The following TMPRSS13 variants were observed in gnomAD, a reference collection of about 807,000 sequenced individuals.
TMPRSS13 encodes the protein transmembrane serine protease 13.
A neutral mutation model predicts 68.4 loss-of-function variants in TMPRSS13; 50 were observed. The ratio of observed to expected loss-of-function variants is 0.73; its 90% CI spans 0.58 to 0.93. The LOEUF (loss-of-function observed/expected upper bound fraction) is 0.93. TMPRSS13 is among the 40% of genes least tolerant of loss of function. The pLI, the probability that TMPRSS13 is intolerant of heterozygous loss-of-function variation, is 0.00. For synonymous variants in TMPRSS13, 267 were observed against 285.8 expected (o/e 0.93, Z 0.66); for missense variants, 615 against 729.2 (o/e 0.84, Z 1.80).
intron 2 of TMPRSS13, 107 bp downstream of exon 2, chr11:117,918,302 C>T (rs1434979399): frequency 1.5e-6 from 2 of 1,345,236 alleles, no homozygotes. Context: ...CTCCCCTTCC[C>T]CGCATCGTTG....
chr11:117,920,390 G>T (rs1490099083), intron 1 of TMPRSS13, among the ~76,000 whole-genome samples: 1 of 152,120 alleles, frequency 6.6e-6, no homozygotes, highest in Non-Finnish European at 1.5e-5. Context: ...CCAGGCTGCA[G>T]TGCAGTGGCA....
In TMPRSS13 at chr11:117,918,743, T is replaced by C. The variant is rs2057610430; in HGVS notation, c.117A>G (p.Ala39=). 6.2e-7 allele frequency: 1 copy of C among 1,611,060 alleles called. No individual in the cohort carries two copies. Among genetic ancestry groups the C allele is most frequent in the Admixed American group, 1.7e-5 (1 of 59,894 alleles). The change falls in exon 2 of 13, where the codon GCA becomes GCG. Residue 39 remains alanine (A), a synonymous_variant. Transcript: ENST00000524993. ...CAGCTGGAGATGCCTGGGCTGGAGA[T>C]GCCTGGGCTGGAGATGCCCGGCCTG... ...TPPGRASPAQ[A]SPAQASPAGT... is the part of the protein sequence containing the mutation.
intron 1 of TMPRSS13, among the ~76,000 whole-genome samples, chr11:117,928,305 C>G (rs1319497162): frequency 6.6e-6 from 1 of 152,040 alleles, no homozygotes; most frequent in African/African-American, 2.4e-5. Context: ...AGGGAGGCAG[C>G]CTGGGAAAGA....
chr11:117,906,733 GC>G (rs1401354568), intron 9 of TMPRSS13, among the ~76,000 whole-genome samples: 1 of 151,990 alleles, frequency 6.6e-6, no homozygotes, highest in Non-Finnish European at 1.5e-5. Context: ...TTTTTTCTAT[GC>G]CCCTTTTTGA....
intron 12 of TMPRSS13, 119 bp from the exon 13 acceptor site, chr11:117,902,384 C>G: frequency 9.4e-7 from 1 of 1,061,410 alleles, no homozygotes; most frequent in Non-Finnish European, 1.5e-6. Flanking sequence ...CACTGCCTCT[C>G]CAAGGAGGGA....
Position 117,918,445 on chromosome 11 carries a change from A to T in TMPRSS13, c.415T>A (p.Ser139Thr), listed in dbSNP as rs1240272054. The part of the protein sequence containing the change: ...AVPIRSSPAR[S>T]APATRATRES... ...CTGGTGGCCCTGGTTGCTGGTGCTG[A>T]CCTGGCAGGAGATGATCGGATGGGT... The change falls in exon 2 of 13, where the codon TCA becomes ACA. Residue 139 changes from serine (S) to threonine (T), a missense_variant. Physicochemically the swap from Ser to Thr is moderately conservative, Grantham distance 58. Transcript: ENST00000524993. The T allele has an allele frequency of 1.1e-5, 17 of 1,613,958 alleles. 1 individual carries two copies. In the Middle Eastern group the frequency reaches 4.9e-4, roughly 47 times the overall value.
rs147125419 is a variant in TMPRSS13 at position 117,914,366 on chromosome 11, C to T, written c.679+26G>A. The T allele has an allele frequency of 2.1e-5, 34 of 1,611,794 alleles. No homozygotes were observed. Among genetic ancestry groups the T allele is most frequent in the Non-Finnish European group, 2.7e-5 (32 of 1,179,764 alleles). On this transcript the variant is annotated intron_variant, in intron 4 of 12. Transcript: ENST00000524993. The surrounding 1 kb of genome is among the most constrained non-coding windows in gnomAD (Gnocchi z 4.2). ...AAACACATGCACATGCACACGCACG[C>T]GCTCCCCCGCACCCAGCCTCCTTAC... is the stretch of plus-strand genomic sequence containing the variant.
intron 9 of TMPRSS13, among the ~76,000 whole-genome samples, chr11:117,906,184 C>A (rs920414396): frequency 1.3e-5 from 2 of 152,196 alleles, no homozygotes; most frequent in African/African-American, 4.8e-5. Context: ...CCTGGTCTGG[C>A]GAGGGTACCC....
chr11:117,913,838 A>C lies in TMPRSS13; in HGVS notation c.748T>G (p.Cys250Gly). The change falls in exon 5 of 13, where the codon TGT becomes GGT. Residue 250 changes from cysteine to glycine, a missense_variant. Transcript: ENST00000524993. Reference sequence around the variant, plus strand: ...TAGGAGTCATTCCAGTTGCTGCTACAGATGGGAAGCCACTGATGGGAGGAC... The same window carrying C: ...TAGGAGTCATTCCAGTTGCTGCTACCGATGGGAAGCCACTGATGGGAGGAC... ...SGSSHQWLPI[C>G]SSNWNDSYSE... The C allele has an allele frequency of 6.2e-7, 1 of 1,614,158 alleles. No individual in the cohort carries two copies.
At chr11:117,919,213 C>T (rs2057617905) in intron 1 of TMPRSS13, among the ~76,000 whole-genome samples, 3 of 152,190 alleles carry the variant, frequency 2.0e-5, no homozygotes, top group Admixed American at 6.5e-5. Flanking sequence ...AATGTGGTCC[C>T]CCATGGGGAA....
In TMPRSS13 at chr11:117,910,767, A is replaced by T; in HGVS notation, c.903-17T>A. 1.2e-6 allele frequency: 2 copies of T among 1,603,284 alleles called. No homozygotes were observed. The highest frequency in any genetic ancestry group is 1.7e-6 in the Non-Finnish European group (2 of 1,173,866). ...CATTCAGACCTGCAGGGGGAGACAC[A>T]GAAAGTGGGAAAAGGGCACATTAGC... On this transcript the variant is annotated splice_polypyrimidine_tract_variant and intron_variant, in intron 6 of 12. Coordinates refer to ENST00000524993, the MANE Select transcript of TMPRSS13 (RefSeq NM_001077263.3).
intron 5 of TMPRSS13, among the ~76,000 whole-genome samples, chr11:117,913,140 AC>A (rs2057540033): frequency 6.6e-6 from 1 of 152,076 alleles, no homozygotes; most frequent in Admixed American, 6.5e-5. Context: ...ACCCAAGACT[AC>A]CCATCTGGAA....
At chr11:117,906,831 A>C (rs2057469083) in intron 9 of TMPRSS13, among the ~76,000 whole-genome samples, 1 of 152,232 alleles carries the variant, frequency 6.6e-6, no homozygotes, top group Middle Eastern at 3.2e-3. Flanking sequence ...TAAATTTACC[A>C]GTGAACTTTC....
chr11:117,914,043 A>ATGTTCCTGG lies in TMPRSS13; in HGVS notation c.680-138_680-137insCCAGGAACA. On this transcript the variant is annotated intron_variant, in intron 4 of 12. Transcript: ENST00000524993. This position sits in a 1 kb window ranked among gnomAD's most constrained non-coding sequence, Gnocchi z 4.2. ...TGCTGAGGCCTGGGAAAAGTCCAGG[A>ATGTTCCTGG]ACATGGCCTGGGTCATGGGGGTTAA... The ATGTTCCTGG allele has an allele frequency of 9.2e-7, 1 of 1,081,906 alleles. No homozygotes were observed. The highest frequency in any genetic ancestry group is 1.3e-6 in the Non-Finnish European group (1 of 762,500). The allele number at this position is 1,081,906 out of a possible 1,614,324, so 67.0% of individuals were successfully genotyped here.
In TMPRSS13 at chr11:117,910,729, C is replaced by G. The variant is rs751395228; in HGVS notation, c.924G>C (p.Arg308=). The part of the protein sequence containing the change: ...SLHRSECPSQ[R]YISLQCSHCG... Reference sequence around the variant, plus strand: ...TACGGGAACACTGGAGAGAGATATACCGCTGGGAAGGGCATTCAGACCTGC... The same window carrying G: ...TACGGGAACACTGGAGAGAGATATAGCGCTGGGAAGGGCATTCAGACCTGC... Residue 308 remains arginine (R), a synonymous_variant, in exon 7 of 13, where the codon CGG becomes CGC. Coordinates refer to ENST00000524993, the MANE Select transcript of TMPRSS13 (RefSeq NM_001077263.3). The G allele has an allele frequency of 2.5e-6, 4 of 1,609,002 alleles. No homozygotes were observed. The highest frequency in any genetic ancestry group is 3.4e-6 in the Non-Finnish European group (4 of 1,177,142).
rs939657651 is a variant in TMPRSS13, at chr11:117,908,870, AGAGCAC to A, written c.1110-92_1110-87del. On this transcript the variant is annotated intron_variant, in intron 8 of 12. Coordinates refer to ENST00000524993, the MANE Select transcript of TMPRSS13 (RefSeq NM_001077263.3). ...CTGCTACCTACAGGGAGCCACAGTC[AGAGCAC>A]CAGCTTGGAGGCAGGAGGATGGATA... The A allele has an allele frequency of 8.7e-5, 118 of 1,352,424 alleles. No homozygotes were observed. In the African/African-American group the frequency reaches 1.4e-3, roughly 16 times the overall value. 83.8% of individuals were successfully genotyped at this position (1,352,424 alleles called of 1,614,324 possible).
chr11:117,923,838 T>TAAAA (rs1555057480), intron 1 of TMPRSS13, among the ~76,000 whole-genome samples: 4,467 of 128,016 alleles, frequency 0.035, 160 homozygotes, highest in East Asian at 0.16. Flanking sequence ...GTATAATAAT[T>TAAAA]AAAAAAAAAA....
At chr11:117,908,457 G>T in intron 9 of TMPRSS13, 155 bp downstream of exon 9, 1 of 781,294 alleles carries the variant, frequency 1.3e-6, no homozygotes, top group Non-Finnish European at 2.1e-6. Flanking sequence ...TTATAAAACA[G>T]AAGTGTTCCA....
At chr11:117,917,787 C>T (rs1048217129) in intron 2 of TMPRSS13, among the ~76,000 whole-genome samples, 3 of 152,168 alleles carry the variant, frequency 2.0e-5, no homozygotes, top group Non-Finnish European at 4.4e-5. Context: ...TCATCCAGGC[C>T]TGTGTGTATT....
Sources: allele counts gnomAD v4.1 joint callset (sites outside exome capture counted in the v4.1 genomes callset), GRCh38; gene constraint gnomAD v4.1.1; non-coding constraint Gnocchi (gnomAD v3.1); transcripts MANE v1.5; gene names NCBI Gene and HGNC (gene_info 2026-07-23, HGNC 2026-07-21).